The following RPL5 variants were observed in gnomAD, a reference collection of about 807,000 sequenced individuals.
The protein encoded by RPL5 is ribosomal protein L5.
RPL5 carries 1 observed loss-of-function variant against 38.4 expected under a neutral mutation model. The observed-to-expected ratio is 0.03, with a 90% CI of 0.01 to 0.12. The LOEUF (loss-of-function observed/expected upper bound fraction) is 0.12, where lower values mean the gene tolerates loss of function less well. Ranked by LOEUF, RPL5 falls within the 10% of genes least tolerant of loss-of-function variation. The pLI, the probability that RPL5 is intolerant of heterozygous loss-of-function variation, is 1.00. For synonymous variants in RPL5, 109 were observed against 121.2 expected, an observed-to-expected ratio of 0.90 and a Z score of 0.66; for missense variants, 243 against 374.1, an observed-to-expected ratio of 0.65 and a Z score of 2.89.
chr1:92,836,615 C>A, intron 5 of RPL5: 1 of 551,298 alleles, frequency 1.8e-6, no homozygotes, highest in Non-Finnish European at 3.2e-6. Context: ...TTTTTCGGGC[C>A]AGTTATTGAA....
At position 92,832,065 on chromosome 1, in the gene RPL5, G is replaced by A. The variant is rs748646858; in HGVS notation, c.-50G>A. The A allele has an allele frequency of 1.5e-5, 25 of 1,613,164 alleles. No homozygotes were observed. The highest frequency in any genetic ancestry group is 1.3e-4 in the East Asian group (6 of 44,844). On this transcript the variant is annotated 5_prime_UTR_variant, in exon 1 of 8. Transcript: ENST00000370321. ...CCTTTTCCCACCCCCTAGCGCCGCT[G>A]GGCCTGCAGGTCTCTGTCGAGCAGC...
chr1:92,832,754 C>T, intron 1 of RPL5: 1 of 480,450 alleles, frequency 2.1e-6, no homozygotes. Flanking sequence ...GGGGTAGGGC[C>T]CCAAGGGTGG....
intron 3 of RPL5, among the ~76,000 whole-genome samples, chr1:92,834,473 A>G (rs1251300867): frequency 6.6e-6 from 1 of 152,182 alleles, no homozygotes; most frequent in East Asian, 1.9e-4. Flanking sequence ...TTCCTGGGCA[A>G]ATAGTTTGTT....
At chr1:92,833,506 C>T (rs569054211) in intron 2 of RPL5, 39 bp from the exon 3 acceptor site, 2 of 1,605,348 alleles carry the variant, frequency 1.2e-6, no homozygotes, top group African/African-American at 1.3e-5. Context: ...TTTGCAGATG[C>T]AGTGGAGTAT....
intron 4 of RPL5, chr1:92,835,381 G>T: frequency 4.5e-6 from 1 of 222,880 alleles, no homozygotes; most frequent in Non-Finnish European, 9.1e-6. Context: ...GGCTAGGCGC[G>T]GTGGCTCACA....
intron 6 of RPL5, among the ~76,000 whole-genome samples, chr1:92,838,526 A>T (rs911321453): frequency 1.3e-5 from 2 of 152,168 alleles, no homozygotes; most frequent in Non-Finnish European, 2.9e-5. Flanking sequence ...GCTTTCCTGT[A>T]TATGTGCCTT....
intron 5 of RPL5, 35 bp from the exon 6 acceptor site, chr1:92,837,421 G>A: frequency 7.7e-6 from 12 of 1,564,284 alleles, no homozygotes; most frequent in Non-Finnish European, 1.1e-5. Context: ...TAAGTTAAGT[G>A]AGTCTATACT....
chr1:92,839,983 A>AG (rs762641250), intron 6 of RPL5, among the ~76,000 whole-genome samples: 7 of 150,364 alleles, frequency 4.7e-5, no homozygotes, highest in Non-Finnish European at 1.0e-4. Flanking sequence ...CTGGGGTTAT[A>AG]GGTGTGCACC....
At chr1:92,832,142 G>A in intron 1 of RPL5, 25 bp downstream of exon 1, 1 of 1,613,906 alleles carries the variant, frequency 6.2e-7, no homozygotes, top group Non-Finnish European at 8.5e-7. Flanking sequence ...CGGTCTCGGG[G>A]CTTTAGATGC....
intron 1 of RPL5, chr1:92,832,893 C>T (rs771619017): frequency 2.5e-4 from 164 of 647,002 alleles, no homozygotes; most frequent in Non-Finnish European, 3.7e-4. Flanking sequence ...ACATGGGAAG[C>T]GAGAGAGGTA....
chr1:92,835,322 G>C (rs977038976), intron 4 of RPL5: 1 of 309,260 alleles, frequency 3.2e-6, no homozygotes, highest in African/African-American at 2.2e-5. Context: ...TCTGTATTTT[G>C]ATAGTATGTA....
At chr1:92,839,490 A>G (rs1405013241) in intron 6 of RPL5, among the ~76,000 whole-genome samples, 1 of 152,190 alleles carries the variant, frequency 6.6e-6, no homozygotes, top group Non-Finnish European at 1.5e-5. Flanking sequence ...TGAAAGACAG[A>G]AGAGAGGTCC....
chr1:92,832,041 CT>C lies in RPL5; in HGVS notation c.-70del. The stretch of plus-strand genomic sequence containing the variant: ...CTGCGCCTGCGCAAGGGCTGTGGCC[CT>C]TTTCCCACCCCCTAGCGCCGCTGGG... On this transcript the variant is annotated 5_prime_UTR_variant, in exon 1 of 8. Coordinates refer to ENST00000370321, the MANE Select transcript of RPL5 (RefSeq NM_000969.5). The C allele has an allele frequency of 5.0e-6, 8 of 1,606,166 alleles. No homozygotes were observed. The highest frequency in any genetic ancestry group is 5.9e-6 in the Non-Finnish European group (7 of 1,176,680).
At position 92,832,303 on chromosome 1, in the gene RPL5, G is replaced by A. The variant is rs543919730; in HGVS notation, c.3+186G>A. The A allele has an allele frequency of 1.6e-5, 14 of 897,272 alleles. No individual in the cohort carries two copies. In the Middle Eastern group the frequency reaches 6.3e-4, roughly 40 times the overall value. 55.6% of individuals were successfully genotyped at this position (897,272 alleles called of 1,614,324 possible). ...GGCTGCCGCCCGGTGCGCGAACTTG[G>A]GGGGAGGGGTTGGCGAAGAAGGGTT... On this transcript the variant is annotated intron_variant, in intron 1 of 7. Transcript: ENST00000370321.
chr1:92,840,265 A>G, intron 6 of RPL5: 1 of 373,224 alleles, frequency 2.7e-6, no homozygotes, highest in East Asian at 6.3e-5. Context: ...CCCACTTCAG[A>G]CTCCCAAAGT....
At chr1:92,833,973 C>T (rs1450768161) in intron 3 of RPL5, 2 of 355,278 alleles carry the variant, frequency 5.6e-6, no homozygotes, top group South Asian at 2.4e-5. Context: ...CTGGGCATGG[C>T]GGGGCGCACC....
intron 1 of RPL5, chr1:92,832,635 G>A: frequency 3.2e-6 from 1 of 309,142 alleles, no homozygotes; most frequent in Non-Finnish European, 6.1e-6. Flanking sequence ...AATTGTCAGT[G>A]GAGCTTGGAG....
intron 5 of RPL5, 22 bp downstream of exon 5, chr1:92,836,414 T>C (rs1415363888): frequency 4.4e-6 from 7 of 1,603,858 alleles, no homozygotes; most frequent in Admixed American, 1.7e-5. Context: ...ATTTAAGACC[T>C]TGGTGCCTGG....
chr1:92,837,856 A>G, intron 6 of RPL5: 2 of 549,794 alleles, frequency 3.6e-6, no homozygotes, highest in Non-Finnish European at 6.5e-6. Context: ...GTATTTGTAG[A>G]TGTCATTTCT....
Sources: allele counts gnomAD v4.1 joint callset (sites outside exome capture counted in the v4.1 genomes callset), GRCh38; gene constraint gnomAD v4.1.1; transcripts MANE v1.5; gene names NCBI Gene and HGNC (gene_info 2026-07-23, HGNC 2026-07-21).